The following MYOF variants were observed in gnomAD, a reference collection of about 807,000 sequenced individuals.
MYOF encodes myoferlin.
MYOF carries 244 observed loss-of-function variants against 284.2 expected under a neutral mutation model. The observed-to-expected ratio is 0.86, with a 90% confidence interval of 0.77 to 0.95. The LOEUF (loss-of-function observed/expected upper bound fraction) is 0.95, where lower values mean the gene tolerates loss of function less well. Among genes scored for constraint, MYOF ranks in the 40% least tolerant of loss-of-function variants. MYOF has a pLI of 0.00. For missense variants in MYOF, 2,496 were observed against 2,560.6 expected, an observed-to-expected ratio of 0.97 and a Z score of 0.54; for synonymous variants, 904 against 919.7, an observed-to-expected ratio of 0.98 and a Z score of 0.31.
intron 38 of MYOF, among the ~76,000 whole-genome samples, chr10:93,341,507 C>T (rs969143952): frequency 6.6e-6 from 1 of 152,096 alleles, no homozygotes; most frequent in Non-Finnish European, 1.5e-5. Context: ...AAACTCCTGA[C>T]CTCAGGTGAT....
chr10:93,452,490 G>A (rs1377281491), intron 2 of MYOF, among the ~76,000 whole-genome samples: 3 of 145,996 alleles, frequency 2.1e-5, no homozygotes, highest in East Asian at 4.1e-4. Context: ...TCACTCATAA[G>A]TGGGAATTGA....
At chr10:93,404,132 T>C (rs946170348) in intron 8 of MYOF, 25 bp downstream of exon 8, 1 of 1,613,790 alleles carries the variant, frequency 6.2e-7, no homozygotes, top group Middle Eastern at 1.6e-4. Context: ...GAGTGAGCAG[T>C]ACCTTCCTAC....
intron 43 of MYOF, among the ~76,000 whole-genome samples, chr10:93,332,167 C>T (rs1843336113): frequency 1.3e-5 from 2 of 152,156 alleles, no homozygotes; most frequent in South Asian, 4.2e-4. Flanking sequence ...GAAATCAGAC[C>T]GTGGCGTGCC....
At chr10:93,323,720 T>C (rs1028395158) in intron 46 of MYOF, 4 of 218,740 alleles carry the variant, frequency 1.8e-5, no homozygotes, top group African/African-American at 9.1e-5. Context: ...CACACGCGCG[T>C]GCGCGCACAT....
chr10:93,460,464 T>C (rs1019949000), intron 1 of MYOF, among the ~76,000 whole-genome samples: 7 of 152,168 alleles, frequency 4.6e-5, no homozygotes, highest in African/African-American at 1.7e-4. Flanking sequence ...TTCTTAGTCT[T>C]AAAAAGTTCC....
In MYOF at chr10:93,421,698, C is replaced by CTCCCCT. The variant is rs574608817; in HGVS notation, c.433+4367_433+4372dup. On this transcript the variant is annotated intron_variant, in intron 5 of 53. Transcript: ENST00000359263. ...CTCCTCTCTGATCATGTGATGCTGG[C>CTCCCCT]TCCCCTTCCCCTTCCCCCATGAGTG... Among the ~76,000 whole-genome samples, 752 of 152,256 alleles carry CTCCCCT rather than the reference C, an allele frequency of 4.9e-3. 4 individuals are homozygous for CTCCCCT. Among genetic ancestry groups the CTCCCCT allele is most frequent in the Non-Finnish European group, 8.1e-3 (552 of 68,012 alleles).
chr10:93,312,488 G>C (rs535499349), intron 51 of MYOF, among the ~76,000 whole-genome samples: 2 of 152,170 alleles, frequency 1.3e-5, no homozygotes, highest in East Asian at 3.9e-4. Flanking sequence ...TGGGACTACA[G>C]GTGTGCACCA....
At chr10:93,400,182 G>A (rs1847206263) in intron 12 of MYOF, among the ~76,000 whole-genome samples, 1 of 152,126 alleles carries the variant, frequency 6.6e-6, no homozygotes, top group Admixed American at 6.5e-5. Context: ...TATAGTCCTA[G>A]TCTGTTTCAG....
At chr10:93,329,172 G>A (rs1320325888) in intron 44 of MYOF, among the ~76,000 whole-genome samples, 1 of 152,148 alleles carries the variant, frequency 6.6e-6, no homozygotes, top group Non-Finnish European at 1.5e-5. Flanking sequence ...GAGGAGTTGA[G>A]ATCACTCTAG....
intron 5 of MYOF, among the ~76,000 whole-genome samples, chr10:93,413,130 C>T (rs187802786): frequency 6.6e-6 from 1 of 152,208 alleles, no homozygotes; most frequent in East Asian, 1.9e-4. Context: ...GAGAAAAAGT[C>T]GGGGTCAATC....
rs776968617 is a variant in MYOF at position 93,374,909 on chromosome 10, C to A, written c.2155G>T (p.Asp719Tyr). Residue 719 changes from aspartate (D) to tyrosine (Y), a missense_variant, in exon 23 of 54, where the codon GAT becomes TAT. Coordinates refer to ENST00000359263, the MANE Select transcript of MYOF (RefSeq NM_013451.4). ...TEGKANVTVL[D>Y]TQIRKLRSRS... ...GACCGCAGCTTTCGGATCTGAGTAT[C>A]GAGAACTGTGACGTTGGCTTTTCCT... 1 of 1,613,940 alleles carries A rather than the reference C, an allele frequency of 6.2e-7. No individual in the cohort carries two copies. The highest frequency in any genetic ancestry group is 8.5e-7 in the Non-Finnish European group (1 of 1,180,010).
Position 93,372,996 on chromosome 10 carries a change from C to A in MYOF, c.2391G>T (p.Leu797Phe), listed in dbSNP as rs763743604. The A allele has an allele frequency of 1.2e-6, 2 of 1,614,220 alleles. No individual in the cohort carries two copies. Among genetic ancestry groups the A allele is most frequent in the Non-Finnish European group, 1.7e-6 (2 of 1,180,038 alleles). ...ATGCATTCTCACCACTGGTGGAGTA[C>A]AAGACCTGATGTGCGGGAATTCGTG... ...AYARIPAHQV[L>F]YSTSGENASG... The change falls in exon 24 of 54, where the codon TTG (leucine) becomes TTT (phenylalanine). Residue 797 changes from leucine to phenylalanine, a missense_variant. Physicochemically the swap from Leu to Phe is conservative, Grantham distance 22. Transcript: ENST00000359263.
chr10:93,307,267 C>T (rs762966627), intron 53 of MYOF, among the ~76,000 whole-genome samples: 3 of 151,974 alleles, frequency 2.0e-5, no homozygotes, highest in Non-Finnish European at 4.4e-5. Context: ...GCAAAAATCT[C>T]CCCTAATTGG....
chr10:93,394,448 C>CTTTTTTTTTTTTTTTTTTTTTTTTTT lies in MYOF; in HGVS notation c.1418-1519_1418-1494dup, dbSNP rs33970988. ...ATATCTCCTTTGGTCACCATCTTGTCTTTTTTTTTTTTTTTTTTTTTTTTT... is the reference window on the plus strand; with the variant it reads ...ATATCTCCTTTGGTCACCATCTTGTCTTTTTTTTTTTTTTTTTTTTTTTTTTTTTTTTTTTTTTTTTTTTTTTTTTT... On this transcript the variant is annotated intron_variant, in intron 16 of 53. Transcript: ENST00000359263. 1.0e-4 allele frequency among the ~76,000 whole-genome samples: 3 copies of CTTTTTTTTTTTTTTTTTTTTTTTTTT among 28,698 alleles called. 1 individual carries two copies. The highest frequency in any genetic ancestry group is 2.5e-3 in the East Asian group (2 of 812). The allele number at this position is 28,698 out of a possible 152,430, so 18.8% of individuals were successfully genotyped here.
Position 93,337,896 on chromosome 10 carries a change from G to C in MYOF, c.4356C>G (p.Asp1452Glu), listed in dbSNP as rs780250691. The part of the protein sequence containing the change: ...KLTEKEEEIV[D>E]WWSKFYASSG... Reference sequence around the variant, plus strand: ...AGGAAGCATAAAATTTACTCCACCAGTCCACGATTTCTTCCTCCTAAAGAC... The same window carrying C: ...AGGAAGCATAAAATTTACTCCACCACTCCACGATTTCTTCCTCCTAAAGAC... Residue 1452 changes from aspartate (D) to glutamate (E), a missense_variant, in exon 40 of 54, where the codon GAC becomes GAG. Physicochemically the swap from Asp to Glu is conservative, Grantham distance 45. Transcript: ENST00000359263. 1.2e-6 allele frequency: 2 copies of C among 1,613,818 alleles called. No homozygotes were observed. The highest frequency in any genetic ancestry group is 1.7e-6 in the Non-Finnish European group (2 of 1,179,864).
chr10:93,421,598 C>T lies in MYOF; in HGVS notation c.433+4473G>A, dbSNP rs147594282. ...CTCCTGAAAGGCTTGGTGGCTTCTC[C>T]GCAGTAATGAATGAGTTCACCTGAG... On this transcript the variant is annotated intron_variant, in intron 5 of 53. Coordinates refer to ENST00000359263, the MANE Select transcript of MYOF (RefSeq NM_013451.4). Among the ~76,000 whole-genome samples, 1,297 of 152,242 alleles carry T rather than the reference C, an allele frequency of 8.5e-3. 14 individuals carry two copies. The highest frequency in any genetic ancestry group is 0.03 in the African/African-American group (1,233 of 41,542).
intron 1 of MYOF, among the ~76,000 whole-genome samples, chr10:93,459,224 C>T (rs867055090): frequency 1.2e-4 from 19 of 152,170 alleles, no homozygotes; most frequent in African/African-American, 4.6e-4. Context: ...CCCACCCTTC[C>T]CTCTCCTCAT....
At chr10:93,449,755 T>C (rs2056538116) in intron 3 of MYOF, among the ~76,000 whole-genome samples, 1 of 151,972 alleles carries the variant, frequency 6.6e-6, no homozygotes, top group African/African-American at 2.4e-5. Context: ...CCTCCCAAAG[T>C]GCTAGGATTA....
chr10:93,341,951 T>G (rs1041115607), intron 38 of MYOF: 6 of 1,289,706 alleles, frequency 4.7e-6, no homozygotes, highest in Non-Finnish European at 6.1e-6. Flanking sequence ...CTGAGTGCTG[T>G]TGACATACTG....
Sources: gnomAD v4.1 joint callset for allele counts (sites outside exome capture counted in the v4.1 genomes callset) on GRCh38, gnomAD v4.1.1 for gene constraint, MANE v1.5 for transcripts, NCBI Gene and HGNC (gene_info 2026-07-23, HGNC 2026-07-21) for gene names.